PLEKHH1: variants seen among roughly 807,000 people sequenced by gnomAD.
PLEKHH1 encodes the protein pleckstrin homology, MyTH4 and FERM domain containing H1.
Under a neutral mutation model 160.0 loss-of-function variants are expected in PLEKHH1, and 104 were observed. That is an observed-to-expected ratio of 0.65 (90% CI 0.55 to 0.76). PLEKHH1 has a LOEUF of 0.76. PLEKHH1 is among the 30% of genes least tolerant of loss of function. The pLI, the probability that PLEKHH1 is intolerant of heterozygous loss-of-function variation, is 0.00. For missense variants in PLEKHH1, 1,427 were observed against 1,724.1 expected (o/e 0.83, Z 3.05); for synonymous variants, 619 against 678.4 (o/e 0.91, Z 1.36).
chr14:67,546,455 G>A (rs922884231), intron 2 of PLEKHH1, among the ~76,000 whole-genome samples: 1 of 152,142 alleles, frequency 6.6e-6, no homozygotes, highest in African/African-American at 2.4e-5. Flanking sequence ...CGGCTGGAGT[G>A]CAGTGGCCCA....
intron 21 of PLEKHH1, 57 bp from the exon 22 acceptor site, chr14:67,579,664 C>A (rs904536015): frequency 1.1e-4 from 165 of 1,551,712 alleles, no homozygotes; most frequent in Admixed American, 1.1e-4. Flanking sequence ...CTCCACCAGC[C>A]CTAGTGAGCT....
intron 22 of PLEKHH1, 53 bp from the exon 23 acceptor site, chr14:67,580,885 C>A: frequency 8.5e-7 from 1 of 1,170,546 alleles, no homozygotes; most frequent in Non-Finnish European, 1.3e-6. Context: ...GGACCTTGAT[C>A]CCTTCTCTCC....
At chr14:67,568,567 G>A (rs984766729) in intron 7 of PLEKHH1, among the ~76,000 whole-genome samples, 1 of 152,008 alleles carries the variant, frequency 6.6e-6, no homozygotes, top group African/African-American at 2.4e-5. Flanking sequence ...ATAAAAACCT[G>A]CACATCTTGC....
At chr14:67,586,819 G>C (rs1448581831) in intron 28 of PLEKHH1, 4 of 1,460,414 alleles carry the variant, frequency 2.7e-6, no homozygotes, top group Non-Finnish European at 2.7e-6. Flanking sequence ...GAGCTAACCA[G>C]AGCAGAACAC....
intron 15 of PLEKHH1, 144 bp from the exon 16 acceptor site, chr14:67,575,679 C>G: frequency 1.4e-6 from 1 of 729,266 alleles, no homozygotes; most frequent in Non-Finnish European, 2.3e-6. Context: ...GCCAGCCTGG[C>G]TGGGATGCTA....
intron 2 of PLEKHH1, among the ~76,000 whole-genome samples, chr14:67,548,597 T>C (rs1201192645): frequency 2.6e-5 from 4 of 152,128 alleles, no homozygotes; most frequent in Non-Finnish European, 5.9e-5. Context: ...CTCTGGAGGC[T>C]GAGGCAGGAG....
intron 28 of PLEKHH1, chr14:67,586,487 A>C: frequency 9.2e-7 from 1 of 1,091,708 alleles, no homozygotes. Flanking sequence ...GGTTCTGCTG[A>C]CCCAACATTA....
rs550843387 is a variant in PLEKHH1, at chr14:67,576,598, G to C, written c.2461+95G>C. On this transcript the variant is annotated intron_variant, in intron 17 of 28. Transcript: ENST00000329153. This position sits in a 1 kb window ranked among gnomAD's most constrained non-coding sequence, Gnocchi z 4.0. ...AAAGAAAGCAGTGTTGTACCCTGAA[G>C]CTGTTTTTAAAACATCTAAGCCACA... 2.9e-5 allele frequency: 19 copies of C among 654,546 alleles called. No individual in the cohort carries two copies. The highest frequency in any genetic ancestry group is 1.4e-4 in the Admixed American group (5 of 36,668). 40.5% of individuals were successfully genotyped at this position (654,546 alleles called of 1,614,324 possible).
rs547691813 is a variant in PLEKHH1, at chr14:67,548,498, G to A, written c.126+6505G>A. ...AGATCACCTGAGGTCGGGAGTTTGAGACCAGCCTGACCAACATGGAGAAAC... is the reference window on the plus strand; with the variant it reads ...AGATCACCTGAGGTCGGGAGTTTGAAACCAGCCTGACCAACATGGAGAAAC... On this transcript the variant is annotated intron_variant, in intron 2 of 28. Transcript: ENST00000329153. Among the ~76,000 whole-genome samples the A allele has an allele frequency of 8.9e-4, 135 of 152,288 alleles. 1 individual carries two copies. The highest frequency in any genetic ancestry group is 1.3e-3 in the Non-Finnish European group (90 of 68,030).
chr14:67,562,104 C>G, intron 6 of PLEKHH1, 33 bp from the exon 7 acceptor site: 1 of 1,610,878 alleles, frequency 6.2e-7, no homozygotes, highest in Non-Finnish European at 8.5e-7. Context: ...GCTACGGGAG[C>G]TCTCAATGTG....
intron 23 of PLEKHH1, among the ~76,000 whole-genome samples, chr14:67,581,376 T>C (rs1246861514): frequency 1.3e-5 from 2 of 151,018 alleles, no homozygotes; most frequent in Non-Finnish European, 2.9e-5. Context: ...AATGCAAAAA[T>C]TAGCTGGGCA....
intron 2 of PLEKHH1, among the ~76,000 whole-genome samples, chr14:67,551,412 G>A (rs976255973): frequency 1.3e-5 from 2 of 152,134 alleles, no homozygotes; most frequent in African/African-American, 4.8e-5. Context: ...TTTACATGGG[G>A]CAGCTTGTGG....
chr14:67,579,381 T>A, intron 21 of PLEKHH1, 70 bp downstream of exon 21: 2 of 1,247,316 alleles, frequency 1.6e-6, no homozygotes, highest in Non-Finnish European at 2.2e-6. Context: ...CCCTGGGCCT[T>A]AGGCTCAGGC....
Position 67,585,596 on chromosome 14 carries a change from C to T in PLEKHH1, c.3728C>T (p.Ala1243Val). ...GCCCAGCTGTCTTCCAAGGAGAACG[C>T]TCTGGTGTGGATTGCTGTGAATGAG... ...QPAQLSSKEN[A>V]LVWIAVNEDG... Residue 1243 changes from alanine (A) to valine (V), a missense_variant, in exon 27 of 29, where the codon GCT (alanine) becomes GTT (valine). By Grantham distance (64) the Ala-to-Val change is moderately conservative. Transcript: ENST00000329153. 1 of 1,585,506 alleles carries T rather than the reference C, an allele frequency of 6.3e-7. No homozygotes were observed. The highest frequency in any genetic ancestry group is 8.6e-7 in the Non-Finnish European group (1 of 1,164,748).
chr14:67,569,917 T>A lies in PLEKHH1; in HGVS notation c.1343-4T>A, dbSNP rs1390130255. The A allele has an allele frequency of 6.9e-6, 11 of 1,596,686 alleles. No homozygotes were observed. Among genetic ancestry groups the A allele is most frequent in the Admixed American group, 1.7e-5 (1 of 59,142 alleles). On this transcript the variant is annotated splice_region_variant and splice_polypyrimidine_tract_variant and intron_variant, in intron 8 of 28. Coordinates refer to ENST00000329153, the MANE Select transcript of PLEKHH1 (RefSeq NM_020715.3). ...GTAATCTCATTCCTCTCTTCCCTGC[T>A]CAGCTTCAAGCCCTCCTGCCCTTGT... is the stretch of plus-strand genomic sequence containing the variant.
At position 67,557,300 on chromosome 14, in the gene PLEKHH1, C is replaced by T; in HGVS notation, c.221C>T (p.Ser74Phe). ...GTCATGGAAGAGAAGGTAAAACTAT[C>T]CAATCTGAAGAATGTGGACTCTGAG... ...VGVMEEKVKL[S>F]NLKNVDSEGS... Residue 74 changes from serine (S) to phenylalanine (F), a missense_variant, in exon 4 of 29, where the codon TCC (serine) becomes TTC (phenylalanine). Transcript: ENST00000329153. 1 of 1,613,684 alleles carries T rather than the reference C, an allele frequency of 6.2e-7. No homozygotes were observed. The highest frequency in any genetic ancestry group is 1.1e-5 in the South Asian group (1 of 91,058).
At chr14:67,577,910 G>A in intron 18 of PLEKHH1, 113 bp from the exon 19 acceptor site, 1 of 888,514 alleles carries the variant, frequency 1.1e-6, no homozygotes, top group South Asian at 1.7e-5. Flanking sequence ...CTCTTAGAAA[G>A]GGCTGTCAGT....
At chr14:67,557,522 C>G in intron 4 of PLEKHH1, 104 bp downstream of exon 4, 1 of 1,017,600 alleles carries the variant, frequency 9.8e-7, no homozygotes, top group Non-Finnish European at 1.4e-6. Flanking sequence ...TGCTGGGGAA[C>G]TCGCTCCCTC....
Position 67,541,920 on chromosome 14 carries a change from GC to G in PLEKHH1, c.55del (p.Leu19Ter). 1.2e-6 allele frequency: 2 copies of G among 1,605,708 alleles called. No individual in the cohort carries two copies. The highest frequency in any genetic ancestry group is 1.7e-6 in the Non-Finnish European group (2 of 1,176,312). ...APASVDWQKR[C>X]LTLETQLFRF... Reference sequence around the variant, plus strand: ...GCCAGCGTAGACTGGCAGAAACGCTGCCTGACCCTGGAAACTCAGCTTTTCC... The same window carrying G: ...GCCAGCGTAGACTGGCAGAAACGCTGCTGACCCTGGAAACTCAGCTTTTCC... On this transcript the variant is annotated frameshift_variant, in exon 2 of 29. Coordinates refer to ENST00000329153, the MANE Select transcript of PLEKHH1 (RefSeq NM_020715.3). LOFTEE classifies it high-confidence loss of function.
Sources: allele counts gnomAD v4.1 joint callset (sites outside exome capture counted in the v4.1 genomes callset), GRCh38; gene constraint gnomAD v4.1.1; non-coding constraint Gnocchi (gnomAD v3.1); transcripts MANE v1.5; gene names NCBI Gene and HGNC (gene_info 2026-07-23, HGNC 2026-07-21).